Variants in ATP2B1 observed in about 807,000 individuals in gnomAD.
ATP2B1 encodes the protein plasma membrane calcium-transporting ATPase 1.
A neutral mutation model predicts 124.2 loss-of-function variants in ATP2B1; 14 were observed. The ratio of observed to expected loss-of-function variants is 0.11; its 90% CI spans 0.07 to 0.18. The LOEUF is 0.18. Ranked by LOEUF, ATP2B1 falls within the 10% of genes least tolerant of loss-of-function variation. ATP2B1 has a pLI of 1.00. For missense variants in ATP2B1, 763 were observed against 1,466.1 expected (o/e 0.52, Z 7.83); for synonymous variants, 449 against 492.4 (o/e 0.91, Z 1.17).
At chr12:89,639,065 T>TATTTCCTATATTTTC in intron 3 of ATP2B1, among the ~76,000 whole-genome samples, 2 of 152,308 alleles carry the variant, frequency 1.3e-5, no homozygotes, top group African/African-American at 4.8e-5. Flanking sequence ...TATTTTCACA[T>TATTTCCTATATTTTC]CAAGTAATAT....
At chr12:89,659,655 G>A (rs1565884352) in intron 1 of ATP2B1, among the ~76,000 whole-genome samples, 1 of 152,164 alleles carries the variant, frequency 6.6e-6, no homozygotes, top group Non-Finnish European at 1.5e-5. Context: ...AGGCGCAGTG[G>A]CTCATGCCTG....
At chr12:89,704,595 T>TCA (rs1374289870) in intron 1 of ATP2B1, among the ~76,000 whole-genome samples, 6 of 151,772 alleles carry the variant, frequency 4.0e-5, no homozygotes, top group Middle Eastern at 3.4e-3. Context: ...CCTAGACAAA[T>TCA]CACTTTGCCT....
Position 89,603,827 on chromosome 12 carries a change from G to A in ATP2B1, c.2733C>T (p.Leu911=). 1 of 1,614,142 alleles carries A rather than the reference G, an allele frequency of 6.2e-7. No individual in the cohort carries two copies. The highest frequency in any genetic ancestry group is 8.5e-7 in the Non-Finnish European group (1 of 1,179,998). Residue 911 remains leucine (L), a synonymous_variant, in exon 17 of 21, where the codon CTC becomes CTT. Transcript: ENST00000428670. The surrounding 1 kb of genome is among the most constrained non-coding windows in gnomAD (Gnocchi z 4.3). The part of the protein sequence containing the change: ...ALATEPPTES[L]LLRKPYGRNK... ...TTCTACCATAAGGTTTCCGAAGCAA[G>A]AGAGACTCAGTGGGTGGTTCCGTTG...
chr12:89,698,864 G>A lies in ATP2B1; in HGVS notation c.-222+9732C>T, dbSNP rs921632080. ...GAAAGCTGGGTGAGGGAAGAAGACT[G>A]GTGATCTTAACATAAATAGGTAAAC... On this transcript the variant is annotated intron_variant, in intron 1 of 20. Transcript: ENST00000428670. Among the ~76,000 whole-genome samples, 3 of 152,200 alleles carry A rather than the reference G, an allele frequency of 2.0e-5. No homozygotes were observed. The East Asian group carries it at 5.8e-4, about 29-fold the overall frequency.
In ATP2B1 at chr12:89,621,929, A is replaced by G. The variant is rs1880033677; in HGVS notation, c.1345-138T>C. The G allele has an allele frequency of 1.1e-5, 10 of 939,670 alleles. No individual in the cohort carries two copies. In the South Asian group the frequency reaches 3.1e-4, roughly 29 times the overall value. The allele number at this position is 939,670 out of a possible 1,614,324, so 58.2% of individuals were successfully genotyped here. On this transcript the variant is annotated intron_variant, in intron 9 of 20. Transcript: ENST00000428670. ...AATACAATGTATAAAGTACCAATGT[A>G]ATACTGAAATTTTTTTTTTTTTAGC...
rs532368674 is a variant in ATP2B1, at chr12:89,680,829, C to T, written c.-221-24722G>A. ...ATTAAAAAAAAATCCCCAGAGCATC[C>T]GAACAAAAAAACAAACATTACTTTA... is the stretch of plus-strand genomic sequence containing the variant. On this transcript the variant is annotated intron_variant, in intron 1 of 20. Coordinates refer to ENST00000428670, the MANE Select transcript of ATP2B1 (RefSeq NM_001366521.1). Among the ~76,000 whole-genome samples, 70 of 151,886 alleles carry T rather than the reference C, an allele frequency of 4.6e-4. 1 individual carries two copies. In the South Asian group the frequency reaches 0.013, roughly 28 times the overall value.
Position 89,627,667 on chromosome 12 carries a change from C to T in ATP2B1, c.967+11G>A, listed in dbSNP as rs1265090752. The T allele has an allele frequency of 6.2e-7, 1 of 1,613,268 alleles. No individual in the cohort carries two copies. The highest frequency in any genetic ancestry group is 8.5e-7 in the Non-Finnish European group (1 of 1,179,564). On this transcript the variant is annotated intron_variant, in intron 7 of 20. Transcript: ENST00000428670. Reference sequence around the variant, plus strand: ...AACAAGCTCACTGTACTTTTGTCCTCCTAAATTTACCTTTGTTGCGATTCT... The same window carrying T: ...AACAAGCTCACTGTACTTTTGTCCTTCTAAATTTACCTTTGTTGCGATTCT...
chr12:89,646,754 A>C (rs896011522), intron 2 of ATP2B1, among the ~76,000 whole-genome samples: 5 of 152,256 alleles, frequency 3.3e-5, no homozygotes, highest in South Asian at 4.1e-4. Flanking sequence ...CAGTAAGCAT[A>C]GCTAACTTTT....
At chr12:89,605,048 A>G (rs777383804) in intron 15 of ATP2B1, among the ~76,000 whole-genome samples, 3 of 152,206 alleles carry the variant, frequency 2.0e-5, no homozygotes, top group Non-Finnish European at 4.4e-5. Context: ...GTGAACTACA[A>G]CTATATTAAC....
intron 20 of ATP2B1, among the ~76,000 whole-genome samples, chr12:89,597,952 GA>G (rs970223514): frequency 5.7e-4 from 63 of 109,606 alleles, no homozygotes; most frequent in African/African-American, 1.4e-3. Flanking sequence ...TATACAAATG[GA>G]AAAAAAAAAC....
intron 7 of ATP2B1, among the ~76,000 whole-genome samples, chr12:89,626,888 C>A (rs1880966486): frequency 6.6e-6 from 1 of 152,150 alleles, no homozygotes; most frequent in Non-Finnish European, 1.5e-5. Context: ...TACTAAATTT[C>A]TTTTCCTGTG....
intron 3 of ATP2B1, 120 bp from the exon 4 acceptor site, chr12:89,635,371 A>G: frequency 8.5e-7 from 1 of 1,172,084 alleles, no homozygotes; most frequent in South Asian, 1.6e-5. Flanking sequence ...TTATAGCAAT[A>G]AATACTTTAT....
In ATP2B1 at chr12:89,604,347, C is replaced by A; in HGVS notation, c.2443-1G>T. 1.3e-6 allele frequency: 2 copies of A among 1,575,066 alleles called. No individual in the cohort carries two copies. Among genetic ancestry groups the A allele is most frequent in the African/African-American group, 1.4e-5 (1 of 72,434 alleles). ...TAGCTACATCAGTTCCAGCAATACCCTGTTAAAAAAAATTTTGTGAATTAG... is the reference window on the plus strand; with the variant it reads ...TAGCTACATCAGTTCCAGCAATACCATGTTAAAAAAAATTTTGTGAATTAG... On this transcript the variant is annotated splice_acceptor_variant, in intron 15 of 20. Coordinates refer to ENST00000428670, the MANE Select transcript of ATP2B1 (RefSeq NM_001366521.1). LOFTEE classifies it high-confidence loss of function.
intron 6 of ATP2B1, 105 bp from the exon 7 acceptor site, chr12:89,627,821 G>A (rs1881137155): frequency 2.5e-6 from 3 of 1,220,068 alleles, no homozygotes; most frequent in Non-Finnish European, 3.6e-6. Context: ...TTACACAATG[G>A]TGTGTGTGTC....
At chr12:89,663,697 C>T (rs1038169616) in intron 1 of ATP2B1, among the ~76,000 whole-genome samples, 1 of 152,188 alleles carries the variant, frequency 6.6e-6, no homozygotes, top group East Asian at 1.9e-4. Flanking sequence ...GTTGAAACTA[C>T]TCTTCCAGGT....
At chr12:89,696,553 G>C (rs537190363) in intron 1 of ATP2B1, among the ~76,000 whole-genome samples, 1 of 152,272 alleles carries the variant, frequency 6.6e-6, no homozygotes, top group Admixed American at 6.5e-5. Context: ...TTATCTGAAG[G>C]ATGTTAATAG....
chr12:89,623,055 T>C (rs987068450), intron 9 of ATP2B1, among the ~76,000 whole-genome samples: 1 of 95,108 alleles, frequency 1.1e-5, no homozygotes, highest in Non-Finnish European at 2.1e-5. Flanking sequence ...ATACTGTATC[T>C]TATCACTTTG....
At position 89,603,640 on chromosome 12, in the gene ATP2B1, TTATA is replaced by T; in HGVS notation, c.2848+68_2848+71del. 6.7e-7 allele frequency: 1 copy of T among 1,489,144 alleles called. No homozygotes were observed. Among genetic ancestry groups the T allele is most frequent in the Non-Finnish European group, 9.3e-7 (1 of 1,077,960 alleles). The allele number at this position is 1,489,144 out of a possible 1,614,324, so 92.2% of individuals were successfully genotyped here. ...TTTAGGCTCTTGAAAATTTGTAACA[TTATA>T]ACATCTTGGATGATTAGCTTGGAAA... On this transcript the variant is annotated intron_variant, in intron 17 of 20. Coordinates refer to ENST00000428670, the MANE Select transcript of ATP2B1 (RefSeq NM_001366521.1). This position sits in a 1 kb window ranked among gnomAD's most constrained non-coding sequence, Gnocchi z 4.3.
intron 1 of ATP2B1, among the ~76,000 whole-genome samples, chr12:89,684,714 C>T (rs1889758217): frequency 6.6e-6 from 1 of 152,080 alleles, no homozygotes; most frequent in South Asian, 2.1e-4. Context: ...TGTTTACTGT[C>T]TAAAACTTAA....
Sources: allele counts gnomAD v4.1 joint callset (sites outside exome capture counted in the v4.1 genomes callset), GRCh38; gene constraint gnomAD v4.1.1; non-coding constraint Gnocchi (gnomAD v3.1); transcripts MANE v1.5; gene names NCBI Gene and HGNC (gene_info 2026-07-23, HGNC 2026-07-21).